Variants in PPP1R12B observed in about 807,000 individuals in gnomAD.
PPP1R12B encodes the protein myosin phosphatase target subunit 2.
A neutral mutation model predicts 126.1 loss-of-function variants in PPP1R12B; 76 were observed. That is an observed-to-expected ratio of 0.60 (90% confidence interval 0.50 to 0.73). The LOEUF is 0.73. Ranked by LOEUF, PPP1R12B falls within the 30% of genes least tolerant of loss-of-function variation. The pLI is 0.00. For synonymous variants in PPP1R12B, 356 were observed against 434.7 expected, an observed-to-expected ratio of 0.82 and a Z score of 2.25; for missense variants, 1,052 against 1,205.1, an observed-to-expected ratio of 0.87 and a Z score of 1.88.
At chr1:202,449,370 G>T (rs1028788940) in intron 13 of PPP1R12B, among the ~76,000 whole-genome samples, 199 bp downstream of exon 13, 13 of 151,734 alleles carry the variant, frequency 8.6e-5, no homozygotes, top group Non-Finnish European at 1.8e-4. Context: ...CCTCCTCCCG[G>T]GTTCAAACGA....
At chr1:202,521,555 A>G (rs1171405929) in intron 18 of PPP1R12B, among the ~76,000 whole-genome samples, 1 of 152,228 alleles carries the variant, frequency 6.6e-6, no homozygotes, top group Non-Finnish European at 1.5e-5. Flanking sequence ...AGTGAAAAAT[A>G]TTATAAATAC....
Position 202,495,612 on chromosome 1 carries a change from T to C in PPP1R12B, c.2378T>C (p.Leu793Pro), listed in dbSNP as rs1246756014. 6.2e-7 allele frequency: 1 copy of C among 1,614,150 alleles called. No individual in the cohort carries two copies. The highest frequency in any genetic ancestry group is 8.5e-7 in the Non-Finnish European group (1 of 1,180,006). ...TTGGATGAGCAGTCCTCTAAGAGGC[T>C]GTCCATCCGAGAGAGGAGGCGGCCC... ...ADLDEQSSKR[L>P]SIRERRRPKE... Residue 793 changes from leucine to proline, a missense_variant, in exon 17 of 24, where the codon CTG becomes CCG. Transcript: ENST00000608999.
intron 2 of PPP1R12B, among the ~76,000 whole-genome samples, chr1:202,417,757 C>G (rs1668267963): frequency 6.6e-6 from 1 of 152,074 alleles, no homozygotes. Flanking sequence ...TGTGAAGGCC[C>G]TTTTCAATAA....
At chr1:202,569,907 A>G (rs1688429881) in intron 23 of PPP1R12B, among the ~76,000 whole-genome samples, 2 of 152,042 alleles carry the variant, frequency 1.3e-5, no homozygotes, top group Non-Finnish European at 2.9e-5. Context: ...AATCTACCCA[A>G]AGCAGTCAAT....
chr1:202,453,838 A>G (rs1255934396), intron 13 of PPP1R12B, among the ~76,000 whole-genome samples: 1 of 152,030 alleles, frequency 6.6e-6, no homozygotes, highest in African/African-American at 2.4e-5. Flanking sequence ...ATAAAATGGA[A>G]GGAAACTAAT....
intron 4 of PPP1R12B, among the ~76,000 whole-genome samples, 153 bp from the exon 5 acceptor site, chr1:202,426,887 A>C (rs1183538877): frequency 1.3e-5 from 2 of 152,230 alleles, no homozygotes; most frequent in African/African-American, 2.4e-5. Context: ...GTAGTTAACT[A>C]TGAAACCCAA....
intron 18 of PPP1R12B, among the ~76,000 whole-genome samples, chr1:202,547,365 A>G (rs753839759): frequency 1.2e-4 from 18 of 152,148 alleles, no homozygotes; most frequent in Non-Finnish European, 2.4e-4. Flanking sequence ...GCAGTGAGTG[A>G]TGGTTATCCA....
intron 1 of PPP1R12B, among the ~76,000 whole-genome samples, chr1:202,411,571 A>G (rs959816138): frequency 2.6e-5 from 4 of 151,494 alleles, no homozygotes; most frequent in African/African-American, 7.3e-5. Context: ...GGCTGTGATC[A>G]TTGAGGACTA....
At chr1:202,390,985 A>C (rs984057179) in intron 1 of PPP1R12B, among the ~76,000 whole-genome samples, 11 of 152,072 alleles carry the variant, frequency 7.2e-5, no homozygotes, top group African/African-American at 2.7e-4. Context: ...GATCATTTGG[A>C]CCTGGAAGCA....
At chr1:202,463,895 T>C (rs1171765836) in intron 13 of PPP1R12B, among the ~76,000 whole-genome samples, 1 of 152,154 alleles carries the variant, frequency 6.6e-6, no homozygotes, top group Non-Finnish European at 1.5e-5. Context: ...TCTTATCCCT[T>C]TCTCTCAACT....
At chr1:202,502,276 G>T (rs61821747) in intron 18 of PPP1R12B, 31,402 of 983,998 alleles carry the variant, frequency 0.032, 543 homozygotes, top group Middle Eastern at 0.051. Context: ...ATAACTGGGG[G>T]TATGCTCGTG....
intron 1 of PPP1R12B, among the ~76,000 whole-genome samples, chr1:202,350,622 T>C (rs944922654): frequency 6.6e-6 from 1 of 151,898 alleles, no homozygotes; most frequent in African/African-American, 2.4e-5. Flanking sequence ...TCTTTTTCTT[T>C]TTCTTTTTTT....
chr1:202,435,618 G>C (rs570455457), intron 9 of PPP1R12B, among the ~76,000 whole-genome samples: 91 of 152,318 alleles, frequency 6.0e-4, no homozygotes, highest in African/African-American at 1.9e-3. Flanking sequence ...GTCAGTGAGA[G>C]TGAGTTGAAT....
chr1:202,439,797 A>G (rs1016134309), intron 10 of PPP1R12B: 7 of 424,224 alleles, frequency 1.7e-5, no homozygotes, highest in Non-Finnish European at 2.6e-5. Context: ...TTTCCTCCCC[A>G]CTCCCCTTCT....
At chr1:202,471,576 T>G (rs1400715538) in intron 13 of PPP1R12B, among the ~76,000 whole-genome samples, 1 of 13,424 alleles carries the variant, frequency 7.4e-5, no homozygotes, top group African/African-American at 9.0e-5. Context: ...ACTTAAAATG[T>G]TTTTTTTTTT....
intron 23 of PPP1R12B, among the ~76,000 whole-genome samples, chr1:202,573,768 C>T (rs968567285): frequency 2.3e-4 from 35 of 152,194 alleles, no homozygotes; most frequent in South Asian, 1.9e-3. Context: ...TATTCTGTTC[C>T]GCTTGCAACA....
intron 23 of PPP1R12B, among the ~76,000 whole-genome samples, chr1:202,572,175 C>T (rs1383352772): frequency 1.3e-5 from 2 of 152,200 alleles, no homozygotes; most frequent in East Asian, 3.8e-4. Context: ...TACTAGGCAG[C>T]CAAAGGTACA....
intron 13 of PPP1R12B, among the ~76,000 whole-genome samples, chr1:202,460,708 T>C (rs1477947491): frequency 6.6e-6 from 1 of 152,206 alleles, no homozygotes; most frequent in Non-Finnish European, 1.5e-5. Context: ...GAAACATATG[T>C]AGCAGTGGGT....
In PPP1R12B at chr1:202,419,740, A is replaced by G. The variant is rs1230565033; in HGVS notation, c.422+2823A>G. On this transcript the variant is annotated intron_variant, in intron 2 of 23. Transcript: ENST00000608999. The surrounding 1 kb of genome is among the most constrained non-coding windows in gnomAD (Gnocchi z 4.6). Reference sequence around the variant, plus strand: ...GAGGAAAAAGCAAGTGTCAGATGTCATGGCGATGATAGTAATGAGGAAGAC... The same window carrying G: ...GAGGAAAAAGCAAGTGTCAGATGTCGTGGCGATGATAGTAATGAGGAAGAC... Among the ~76,000 whole-genome samples, 1 of 152,184 alleles carries G rather than the reference A, an allele frequency of 6.6e-6. No individual in the cohort carries two copies. The highest frequency in any genetic ancestry group is 2.4e-5 in the African/African-American group (1 of 41,460).
Sources: allele counts gnomAD v4.1 joint callset (sites outside exome capture counted in the v4.1 genomes callset), GRCh38; gene constraint gnomAD v4.1.1; non-coding constraint Gnocchi (gnomAD v3.1); transcripts MANE v1.5; gene names NCBI Gene and HGNC (gene_info 2026-07-23, HGNC 2026-07-21).